Variants in CCSER1 observed in about 807,000 individuals in gnomAD.
CCSER1 encodes coiled-coil serine rich protein 1.
In CCSER1, 41 loss-of-function variants were observed where a neutral mutation model predicts 82.0. The ratio of observed to expected loss-of-function variants is 0.50; its 90% CI spans 0.39 to 0.65. The LOEUF is 0.65. CCSER1 is among the 30% of genes least tolerant of loss of function. The pLI, the probability that CCSER1 is intolerant of heterozygous loss-of-function variation, is 0.00. For missense variants in CCSER1, 1,119 were observed against 1,064.2 expected (o/e 1.05, Z -0.72); for synonymous variants, 414 against 383.9 (o/e 1.08, Z -0.92).
chr4:90,736,856 T>C (rs1290269815), intron 7 of CCSER1, among the ~76,000 whole-genome samples: 1 of 152,086 alleles, frequency 6.6e-6, no homozygotes, highest in Non-Finnish European at 1.5e-5. Flanking sequence ...TTTCTTTATC[T>C]GCTGTGGGTT....
At chr4:91,075,178 A>T (rs368188259) in intron 9 of CCSER1, among the ~76,000 whole-genome samples, 6 of 148,764 alleles carry the variant, frequency 4.0e-5, no homozygotes, top group African/African-American at 9.9e-5. Flanking sequence ...AGGAAGTTCT[A>T]TTTTTTTTTT....
Position 91,181,524 on chromosome 4 carries a change from G to A in CCSER1, c.2217+95530G>A, listed in dbSNP as rs532203611. On this transcript the variant is annotated intron_variant, in intron 10 of 10. Coordinates refer to ENST00000509176, the MANE Select transcript of CCSER1 (RefSeq NM_001145065.2). The stretch of plus-strand genomic sequence containing the variant: ...AGGCCATATCATTTGAGGTTGAGGT[G>A]CCACTATACCACAGTGGTTCCAGAT... 3.9e-5 allele frequency among the ~76,000 whole-genome samples: 6 copies of A among 152,200 alleles called. No individual in the cohort carries two copies. In the South Asian group the frequency reaches 1.2e-3, roughly 32 times the overall value.
chr4:90,196,096 C>CT (rs5860192), intron 1 of CCSER1, among the ~76,000 whole-genome samples: 8,765 of 124,288 alleles, frequency 0.071, 677 homozygotes, highest in East Asian at 0.25. Flanking sequence ...ACTTTCCTAG[C>CT]TTTTTTTTTT....
At chr4:91,280,031 T>C (rs528467380) in intron 10 of CCSER1, among the ~76,000 whole-genome samples, 102 of 152,348 alleles carry the variant, frequency 6.7e-4, no homozygotes, top group Non-Finnish European at 1.1e-3. Context: ...GTAGTGTCTA[T>C]GATTTCCACA....
At chr4:90,258,551 G>A (rs919341577) in intron 1 of CCSER1, among the ~76,000 whole-genome samples, 21 of 152,020 alleles carry the variant, frequency 1.4e-4, no homozygotes, top group African/African-American at 5.1e-4. Flanking sequence ...ATATGTGTAA[G>A]AAACTCAAAG....
chr4:90,400,508 G>A (rs938599252), intron 4 of CCSER1, among the ~76,000 whole-genome samples: 1 of 151,896 alleles, frequency 6.6e-6, no homozygotes, highest in African/African-American at 2.4e-5. Context: ...AAGTTTTGTG[G>A]ATCTAAGATT....
chr4:90,738,335 C>T (rs1269990160), intron 7 of CCSER1, among the ~76,000 whole-genome samples: 1 of 152,124 alleles, frequency 6.6e-6, no homozygotes, highest in African/African-American at 2.4e-5. Flanking sequence ...TTAGAGGACA[C>T]CCCAAGCTGA....
intron 10 of CCSER1, among the ~76,000 whole-genome samples, chr4:91,542,503 G>A (rs1219515924): frequency 6.6e-6 from 1 of 151,900 alleles, no homozygotes; most frequent in Non-Finnish European, 1.5e-5. Flanking sequence ...TATGTTGTGT[G>A]TTTGTTCTCA....
chr4:91,554,326 A>C (rs1762305629), intron 10 of CCSER1, among the ~76,000 whole-genome samples: 1 of 151,310 alleles, frequency 6.6e-6, no homozygotes, highest in African/African-American at 2.4e-5. Context: ...GAGAGTGCTC[A>C]CTACAGGCTT....
At chr4:91,541,413 G>A (rs1010816158) in intron 10 of CCSER1, among the ~76,000 whole-genome samples, 1 of 152,124 alleles carries the variant, frequency 6.6e-6, no homozygotes, top group Non-Finnish European at 1.5e-5. Flanking sequence ...GGTGTGTGAT[G>A]TTCCCCTTCC....
At chr4:90,992,081 T>G (rs1737087534) in intron 9 of CCSER1, among the ~76,000 whole-genome samples, 1 of 152,208 alleles carries the variant, frequency 6.6e-6, no homozygotes, top group African/African-American at 2.4e-5. Flanking sequence ...ACTTTTAGTT[T>G]TACTTTGGTA....
chr4:91,041,828 C>G (rs1741979179), intron 9 of CCSER1, among the ~76,000 whole-genome samples: 1 of 152,180 alleles, frequency 6.6e-6, no homozygotes, highest in South Asian at 2.1e-4. Context: ...AAATAACTCA[C>G]ATGTGCTTCA....
intron 10 of CCSER1, among the ~76,000 whole-genome samples, chr4:91,321,173 G>A (rs1007334426): frequency 3.9e-5 from 6 of 152,102 alleles, no homozygotes; most frequent in African/African-American, 1.4e-4. Context: ...GTGTTTCTAC[G>A]CTAAACAGTC....
chr4:91,398,843 A>G (rs1332628864), intron 10 of CCSER1, among the ~76,000 whole-genome samples: 1 of 151,892 alleles, frequency 6.6e-6, no homozygotes, highest in Non-Finnish European at 1.5e-5. Context: ...AAGAGCTTAT[A>G]TACATTTTGA....
intron 6 of CCSER1, among the ~76,000 whole-genome samples, chr4:90,703,127 T>A (rs187101485): frequency 2.6e-5 from 4 of 152,212 alleles, no homozygotes; most frequent in Non-Finnish European, 5.9e-5. Context: ...TAAATTTCCC[T>A]CTACACACAG....
At chr4:90,874,822 C>T (rs553407940) in intron 8 of CCSER1, among the ~76,000 whole-genome samples, 15 of 152,096 alleles carry the variant, frequency 9.9e-5, no homozygotes, top group East Asian at 3.9e-4. Flanking sequence ...CTAAGGCAGG[C>T]GGATCACAAG....
chr4:90,948,496 G>T (rs762266285), intron 9 of CCSER1, among the ~76,000 whole-genome samples: 4 of 151,526 alleles, frequency 2.6e-5, no homozygotes, highest in Non-Finnish European at 4.4e-5. Flanking sequence ...TGAAAACAAA[G>T]ATTTATAAAT....
chr4:91,466,593 AT>A (rs1244854723), intron 10 of CCSER1, among the ~76,000 whole-genome samples: 3 of 152,220 alleles, frequency 2.0e-5, no homozygotes, highest in Non-Finnish European at 4.4e-5. Context: ...ATGATGGCAT[AT>A]TTAGAAAACC....
intron 10 of CCSER1, among the ~76,000 whole-genome samples, chr4:91,168,680 A>G (rs1192723974): frequency 2.0e-5 from 3 of 152,122 alleles, no homozygotes; most frequent in African/African-American, 7.2e-5. Context: ...CCCATCTGGG[A>G]GGTGTACCCA....
Sources: allele counts gnomAD v4.1 joint callset (sites outside exome capture counted in the v4.1 genomes callset), GRCh38; gene constraint gnomAD v4.1.1; transcripts MANE v1.5; gene names NCBI Gene and HGNC (gene_info 2026-07-23, HGNC 2026-07-21).